PDE4D: variants seen among roughly 807,000 people sequenced by gnomAD.
PDE4D encodes 3',5'-cyclic-AMP phosphodiesterase 4D.
A neutral mutation model predicts 87.4 loss-of-function variants in PDE4D; 24 were observed. That is an observed-to-expected ratio of 0.27 (90% CI 0.20 to 0.39). PDE4D has a LOEUF of 0.39. Among genes scored for constraint, PDE4D ranks in the 10% least tolerant of loss-of-function variants. The pLI is 1.00. For missense variants in PDE4D, 714 were observed against 1,041.0 expected, an observed-to-expected ratio of 0.69 and a Z score of 4.32; for synonymous variants, 384 against 383.2, an observed-to-expected ratio of 1.00 and a Z score of -0.02.
chr5:59,639,779 A>G (rs1029373077), intron 1 of PDE4D, among the ~76,000 whole-genome samples: 1 of 151,182 alleles, frequency 6.6e-6, no homozygotes, highest in African/African-American at 2.4e-5. Flanking sequence ...AGTTCATAAT[A>G]TCACCCCTGC....
intron 1 of PDE4D, among the ~76,000 whole-genome samples, chr5:59,724,660 A>G (rs1286457483): frequency 6.6e-6 from 1 of 152,096 alleles, no homozygotes; most frequent in East Asian, 1.9e-4. Flanking sequence ...TCCCTTCTCT[A>G]ACCCCCTTTC....
chr5:59,513,756 A>G (rs1810675900), intron 1 of PDE4D, among the ~76,000 whole-genome samples: 1 of 152,242 alleles, frequency 6.6e-6, no homozygotes, highest in East Asian at 1.9e-4. Context: ...AAAGAAATCA[A>G]ACTGAGTGGT....
intron 1 of PDE4D, among the ~76,000 whole-genome samples, chr5:59,871,553 C>T (rs1041172442): frequency 7.2e-5 from 11 of 152,196 alleles, no homozygotes; most frequent in African/African-American, 2.7e-4. Context: ...ATGTTTGGTG[C>T]TGTGTGAAAG....
chr5:59,272,765 AG>A (rs1764068943), intron 1 of PDE4D, among the ~76,000 whole-genome samples: 1 of 152,156 alleles, frequency 6.6e-6, no homozygotes, highest in Non-Finnish European at 1.5e-5. Flanking sequence ...AATAAGAGGA[AG>A]GGTATAAAAT....
chr5:59,669,062 G>C (rs138209389), intron 1 of PDE4D, among the ~76,000 whole-genome samples: 40 of 152,238 alleles, frequency 2.6e-4, no homozygotes, highest in African/African-American at 9.6e-4. Flanking sequence ...AAAATAAAAG[G>C]CTTTGGTTGT....
chr5:59,937,937 C>T (rs1438783408), intron 3 of PDE4D, among the ~76,000 whole-genome samples: 2 of 152,192 alleles, frequency 1.3e-5, no homozygotes, highest in East Asian at 1.9e-4. Context: ...ACATAGCTGT[C>T]TCCATTAACG....
chr5:59,667,291 G>A (rs181305074), intron 1 of PDE4D, among the ~76,000 whole-genome samples: 2 of 152,128 alleles, frequency 1.3e-5, no homozygotes, highest in East Asian at 3.9e-4. Context: ...GTGTTTTGCT[G>A]TGTTGCGTTG....
intron 1 of PDE4D, among the ~76,000 whole-genome samples, chr5:59,438,745 A>C (rs774988580): frequency 6.6e-6 from 1 of 152,180 alleles, no homozygotes; most frequent in Non-Finnish European, 1.5e-5. Context: ...TGCTTCTCCA[A>C]ATCTATTTCT....
chr5:59,476,376 T>C (rs1199791028), intron 1 of PDE4D, among the ~76,000 whole-genome samples: 1 of 152,128 alleles, frequency 6.6e-6, no homozygotes, highest in Non-Finnish European at 1.5e-5. Flanking sequence ...ACTGTAAACC[T>C]ATAATTTGGT....
intron 1 of PDE4D, among the ~76,000 whole-genome samples, chr5:59,596,334 T>C (rs1451306648): frequency 3.4e-5 from 5 of 148,140 alleles, no homozygotes; most frequent in Non-Finnish European, 6.0e-5. Context: ...ACACGAGAAA[T>C]ACAAAAAAAA....
chr5:59,192,900 T>C (rs554959824), intron 3 of PDE4D, among the ~76,000 whole-genome samples: 1 of 152,336 alleles, frequency 6.6e-6, no homozygotes, highest in African/African-American at 2.4e-5. Context: ...TAATCTAACG[T>C]GCAGGTAGGG....
At chr5:59,592,469 C>T (rs1220641947) in intron 1 of PDE4D, among the ~76,000 whole-genome samples, 3 of 152,084 alleles carry the variant, frequency 2.0e-5, no homozygotes, top group Admixed American at 6.6e-5. Context: ...AAAATAAATT[C>T]ATTAAACACC....
intron 2 of PDE4D, among the ~76,000 whole-genome samples, chr5:60,044,112 CAAT>C (rs553383878): frequency 6.6e-6 from 1 of 151,770 alleles, no homozygotes; most frequent in Non-Finnish European, 1.5e-5. Flanking sequence ...TTATACTCAA[CAAT>C]AATTTATTGT....
At chr5:59,289,819 A>G (rs1445391732) in intron 1 of PDE4D, among the ~76,000 whole-genome samples, 1 of 152,066 alleles carries the variant, frequency 6.6e-6, no homozygotes, top group Admixed American at 6.6e-5. Context: ...TGATAAATAA[A>G]TTCAGCAAAG....
intron 2 of PDE4D, among the ~76,000 whole-genome samples, chr5:60,044,710 C>T (rs1020345257): frequency 7.2e-5 from 11 of 152,284 alleles, no homozygotes; most frequent in South Asian, 2.1e-4. Context: ...TGTTTTATGG[C>T]CGCATAGTAT....
At position 59,783,864 on chromosome 5, in the gene PDE4D, C is replaced by T. The variant is rs192121782; in HGVS notation, c.455+109304G>A. The stretch of plus-strand genomic sequence containing the variant: ...GGTGAATTGGTTGAGACCAGGAGTT[C>T]AAGACCAGCCTGGGCAATATGGCGA... On this transcript the variant is annotated intron_variant, in intron 1 of 14. Coordinates refer to ENST00000340635, the MANE Select transcript of PDE4D (RefSeq NM_001104631.2). 1.4e-4 allele frequency among the ~76,000 whole-genome samples: 21 copies of T among 152,184 alleles called. No homozygotes were observed. In the East Asian group the frequency reaches 3.9e-3, roughly 28 times the overall value.
At chr5:60,093,552 A>C (rs1022742319) in intron 2 of PDE4D, among the ~76,000 whole-genome samples, 1 of 152,202 alleles carries the variant, frequency 6.6e-6, no homozygotes, top group Non-Finnish European at 1.5e-5. Context: ...CAGAGAGTGG[A>C]GCAAAGACAA....
intron 5 of PDE4D, among the ~76,000 whole-genome samples, chr5:59,071,978 C>T (rs183795185): frequency 3.2e-4 from 48 of 152,232 alleles, no homozygotes; most frequent in African/African-American, 1.1e-3. Flanking sequence ...CGTGAGCCAC[C>T]GCGCCCGGCC....
At position 60,025,325 on chromosome 5, in the gene PDE4D, A is replaced by G. The variant is rs372655315; in HGVS notation, c.43-36608T>C. On this transcript the variant is annotated intron_variant, in intron 2 of 16. Coordinates refer to the PDE4D transcript ENST00000502484. ...CAAACCTTTGGAAGCAATAGTTTGA[A>G]TCAAAGACATTATGCCCCCGACTAC... Among the ~76,000 whole-genome samples the G allele has an allele frequency of 5.6e-4, 86 of 152,292 alleles. 3 individuals carry two copies. The highest frequency in any genetic ancestry group is 1.9e-3 in the African/African-American group (81 of 41,582).
Sources: allele counts gnomAD v4.1 joint callset (sites outside exome capture counted in the v4.1 genomes callset), GRCh38; gene constraint gnomAD v4.1.1; transcripts MANE v1.5; gene names NCBI Gene and HGNC (gene_info 2026-07-23, HGNC 2026-07-21).